Variants in ROBO2 observed in about 807,000 individuals in gnomAD.
The protein encoded by ROBO2 is roundabout guidance receptor 2.
Under a neutral mutation model 160.8 loss-of-function variants are expected in ROBO2, and 53 were observed. That is an observed-to-expected ratio of 0.33 (90% CI 0.26 to 0.41). ROBO2 has a LOEUF of 0.41. Among genes scored for constraint, ROBO2 ranks in the 10% least tolerant of loss-of-function variants. The probability of loss-of-function intolerance (pLI) is 1.00; values close to 1 mark genes in which losing one functional copy is unlikely to be tolerated. For synonymous variants in ROBO2, 664 were observed against 611.7 expected, an observed-to-expected ratio of 1.09 and a Z score of -1.26; for missense variants, 1,577 against 1,722.4, an observed-to-expected ratio of 0.92 and a Z score of 1.49.
At chr3:76,873,788 A>C (rs1402955578) in intron 2 of ROBO2, among the ~76,000 whole-genome samples, 1 of 152,134 alleles carries the variant, frequency 6.6e-6, no homozygotes, top group African/African-American at 2.4e-5. Flanking sequence ...AAATTTGCTC[A>C]TTTGACAGAA....
At chr3:77,257,657 T>G (rs1315544858) in intron 2 of ROBO2, among the ~76,000 whole-genome samples, 3 of 152,226 alleles carry the variant, frequency 2.0e-5, no homozygotes, top group African/African-American at 7.2e-5. Context: ...ACAGTTGTAC[T>G]TGGGTTTTCA....
chr3:76,188,783 C>T (rs936435364), intron 2 of ROBO2, among the ~76,000 whole-genome samples: 1 of 152,008 alleles, frequency 6.6e-6, no homozygotes, highest in Non-Finnish European at 1.5e-5. Context: ...AGTCAAGGAC[C>T]AAGCTTTCCA....
intron 2 of ROBO2, among the ~76,000 whole-genome samples, chr3:76,249,431 A>T (rs1236506476): frequency 2.6e-5 from 4 of 151,650 alleles, no homozygotes; most frequent in African/African-American, 9.8e-5. Context: ...TGAATTACTT[A>T]TGATAACTCA....
chr3:77,281,727 T>C lies in ROBO2; in HGVS notation c.388+183387T>C, dbSNP rs954847376. ...CAGGGACTGGTTGTGTGGAAGATGA[T>C]ATTTCCATGGATGGTGCAGGGGAAG... On this transcript the variant is annotated intron_variant, in intron 2 of 25. Transcript: ENST00000461745. Among the ~76,000 whole-genome samples, 5 of 152,178 alleles carry C rather than the reference T, an allele frequency of 3.3e-5. No individual in the cohort carries two copies. The East Asian group carries it at 9.6e-4, about 29-fold the overall frequency.
chr3:76,841,708 A>G (rs1559587876), intron 2 of ROBO2, among the ~76,000 whole-genome samples: 1 of 152,240 alleles, frequency 6.6e-6, no homozygotes, highest in African/African-American at 2.4e-5. Flanking sequence ...TTGAAAAAAT[A>G]TGAGAAAAAA....
chr3:76,243,154 C>T (rs895918369), intron 2 of ROBO2, among the ~76,000 whole-genome samples: 1 of 152,108 alleles, frequency 6.6e-6, no homozygotes, highest in Non-Finnish European at 1.5e-5. Flanking sequence ...TCTCGGACTT[C>T]GGATGCCAGG....
At chr3:77,185,188 T>C (rs1344159636) in intron 2 of ROBO2, among the ~76,000 whole-genome samples, 3 of 152,146 alleles carry the variant, frequency 2.0e-5, no homozygotes, top group South Asian at 4.1e-4. Flanking sequence ...TATTGAAAGA[T>C]AATGACTTCA....
chr3:77,426,125 G>C (rs2078181176), intron 2 of ROBO2, among the ~76,000 whole-genome samples: 1 of 152,150 alleles, frequency 6.6e-6, no homozygotes, highest in Non-Finnish European at 1.5e-5. Context: ...AGGTCGTTCA[G>C]CTGTCCAGAC....
intron 16 of ROBO2, 122 bp downstream of exon 17, chr3:77,580,240 A>T (rs984057734): frequency 3.3e-6 from 3 of 917,940 alleles, no homozygotes; most frequent in Non-Finnish European, 5.3e-6. Flanking sequence ...CACATATCAT[A>T]TTGACAAATG....
At chr3:76,518,454 C>T (rs1165059937) in intron 2 of ROBO2, among the ~76,000 whole-genome samples, 2 of 152,006 alleles carry the variant, frequency 1.3e-5, no homozygotes, top group Admixed American at 1.3e-4. Context: ...AGAGTGTGCT[C>T]CTCCCAGCTG....
Position 76,127,639 on chromosome 3 carries a change from G to A in ROBO2, c.109+190037G>A, listed in dbSNP as rs185783595. Among the ~76,000 whole-genome samples, 386 of 151,392 alleles carry A rather than the reference G, an allele frequency of 2.5e-3. 1 individual carries two copies. The highest frequency in any genetic ancestry group is 9.1e-3 in the African/African-American group (375 of 41,308). ...ACATATACTATCAAGACAGTAAATT[G>A]CAATCAGCAACAGAAAACCAATCTG... is the stretch of plus-strand genomic sequence containing the variant. On this transcript the variant is annotated intron_variant, in intron 2 of 26. Coordinates refer to the ROBO2 transcript ENST00000487694.
At chr3:77,216,152 T>G (rs958615384) in intron 2 of ROBO2, among the ~76,000 whole-genome samples, 1 of 152,180 alleles carries the variant, frequency 6.6e-6, no homozygotes, top group Admixed American at 6.5e-5. Context: ...TGCTGCCTTT[T>G]GTCTGTGCCC....
Position 77,548,478 on chromosome 3 carries a change from A to G in ROBO2, c.1059+2016A>G, listed in dbSNP as rs576099571. Among the ~76,000 whole-genome samples the G allele has an allele frequency of 3.3e-5, 5 of 152,174 alleles. No homozygotes were observed. The South Asian group carries it at 1.0e-3, about 32-fold the overall frequency. On this transcript the variant is annotated intron_variant, in intron 7 of 25. Coordinates refer to ENST00000461745, the Ensembl canonical transcript of ROBO2. ...GACTTGTTATTATATAGCTAAGACC[A>G]TATCAGGTGTAAATCACATTCCCTA...
chr3:76,075,913 A>G (rs1393870752), intron 2 of ROBO2, among the ~76,000 whole-genome samples: 1 of 152,210 alleles, frequency 6.6e-6, no homozygotes, highest in Non-Finnish European at 1.5e-5. Flanking sequence ...TAAGCAACTA[A>G]TTGATGAAAA....
chr3:76,329,257 G>A (rs2108001468), intron 2 of ROBO2, among the ~76,000 whole-genome samples: 1 of 152,196 alleles, frequency 6.6e-6, no homozygotes, highest in East Asian at 1.9e-4. Context: ...TTCGCTCTGT[G>A]GTCCAGGCTG....
intron 2 of ROBO2, among the ~76,000 whole-genome samples, chr3:76,170,900 G>A (rs767097245): frequency 7.9e-5 from 12 of 152,114 alleles, no homozygotes; most frequent in Non-Finnish European, 1.5e-4. Flanking sequence ...AAAATTAAAT[G>A]TTCTACACTA....
At chr3:77,555,767 G>A (rs574622892) in intron 8 of ROBO2, among the ~76,000 whole-genome samples, 58 of 151,978 alleles carry the variant, frequency 3.8e-4, no homozygotes, top group Middle Eastern at 3.4e-3. Context: ...AGAGAAAACC[G>A]TGGAGTTGTT....
chr3:77,632,567 TC>T, intron 23 of ROBO2: 1 of 1,535,882 alleles, frequency 6.5e-7, no homozygotes, highest in Non-Finnish European at 8.7e-7. Context: ...GATGGCTCTA[TC>T]TTTGCCAGCG....
At chr3:77,379,026 C>A (rs1367196682) in intron 2 of ROBO2, among the ~76,000 whole-genome samples, 1 of 151,908 alleles carries the variant, frequency 6.6e-6, no homozygotes, top group Non-Finnish European at 1.5e-5. Flanking sequence ...CGGCTCGCTG[C>A]AACCTCTGCC....
Sources: gnomAD v4.1 joint callset for allele counts (sites outside exome capture counted in the v4.1 genomes callset) on GRCh38, gnomAD v4.1.1 for gene constraint, MANE v1.5 for transcripts, NCBI Gene and HGNC (gene_info 2026-07-23, HGNC 2026-07-21) for gene names.